The following DPF3 variants were observed in gnomAD, a reference collection of about 807,000 sequenced individuals.
DPF3 encodes the protein double PHD fingers 3.
Under a neutral mutation model 56.8 loss-of-function variants are expected in DPF3, and 18 were observed. That is an observed-to-expected ratio of 0.32 (90% confidence interval 0.22 to 0.47). The LOEUF (loss-of-function observed/expected upper bound fraction) is 0.47, where lower values mean the gene tolerates loss of function less well. DPF3 is among the 20% of genes least tolerant of loss of function. The probability of loss-of-function intolerance (pLI) is 1.00; values close to 1 mark genes in which losing one functional copy is unlikely to be tolerated. For synonymous variants in DPF3, 188 were observed against 180.2 expected (o/e 1.04, Z -0.35); for missense variants, 403 against 488.8 (o/e 0.82, Z 1.65).
intron 7 of DPF3, among the ~76,000 whole-genome samples, chr14:72,688,214 GTGGATGGATGGA>G (rs1237171034): frequency 7.9e-6 from 1 of 126,586 alleles, no homozygotes; most frequent in Non-Finnish European, 1.7e-5. Context: ...GGGTGTGTGG[GTGGATGGATGGA>G]TGGATGGATG....
chr14:72,829,994 C>T (rs1411092849), intron 1 of DPF3, among the ~76,000 whole-genome samples: 1 of 152,206 alleles, frequency 6.6e-6, no homozygotes, highest in African/African-American at 2.4e-5. Context: ...GATCCGCCCA[C>T]CTCGGCTTCC....
chr14:72,892,010 C>A, intron 1 of DPF3: 1 of 774,940 alleles, frequency 1.3e-6, no homozygotes, highest in Non-Finnish European at 1.8e-6. Flanking sequence ...CAGACTCCCT[C>A]CCCAAACACG....
chr14:72,662,464 CT>C, intron 8 of DPF3: 4 of 983,464 alleles, frequency 4.1e-6, no homozygotes, highest in Non-Finnish European at 4.8e-6. Context: ...ATAGTTAACT[CT>C]TTTTTTCCAT....
intron 3 of DPF3, among the ~76,000 whole-genome samples, chr14:72,733,991 G>C (rs1430492848): frequency 1.3e-5 from 2 of 152,178 alleles, no homozygotes; most frequent in Non-Finnish European, 2.9e-5. Context: ...GGAGAGCAAA[G>C]GATCCACTTC....
At chr14:72,837,858 G>A (rs1025519359) in intron 1 of DPF3, among the ~76,000 whole-genome samples, 4 of 152,348 alleles carry the variant, frequency 2.6e-5, no homozygotes, top group African/African-American at 4.8e-5. Flanking sequence ...CAGACAGTTC[G>A]TCTGCGGCCT....
Position 72,682,840 on chromosome 14 carries a change from G to C in DPF3, c.743-8472C>G, listed in dbSNP as rs988413399. On this transcript the variant is annotated intron_variant, in intron 7 of 10. Transcript: ENST00000556509. ...AGTCAGAGACGTCTGCCCTACATGG[G>C]ATAGAGCATTAGGAAAAGAGCAAAA... Among the ~76,000 whole-genome samples, 3 of 152,294 alleles carry C rather than the reference G, an allele frequency of 2.0e-5. No individual in the cohort carries two copies. In the East Asian group the frequency reaches 5.8e-4, roughly 29 times the overall value.
chr14:72,802,022 A>G (rs1477943410), intron 1 of DPF3, among the ~76,000 whole-genome samples: 1 of 152,198 alleles, frequency 6.6e-6, no homozygotes, highest in Non-Finnish European at 1.5e-5. Context: ...AAACAAAGGC[A>G]TGGGATAAGC....
chr14:72,846,662 G>T (rs1361964691), intron 1 of DPF3, among the ~76,000 whole-genome samples: 8 of 151,266 alleles, frequency 5.3e-5, no homozygotes, highest in Non-Finnish European at 7.4e-5. Context: ...TCCTGGCCTC[G>T]AGTAATCTGC....
intron 1 of DPF3, among the ~76,000 whole-genome samples, chr14:72,803,309 C>T (rs927431737): frequency 3.3e-5 from 5 of 152,164 alleles, no homozygotes; most frequent in Non-Finnish European, 5.9e-5. Context: ...CCCATTCAGA[C>T]GCCAATGGTT....
chr14:72,791,072 C>A (rs976123128), intron 1 of DPF3, among the ~76,000 whole-genome samples: 8 of 152,166 alleles, frequency 5.3e-5, no homozygotes, highest in African/African-American at 1.9e-4. Context: ...AAGGTCACAG[C>A]TCCTGTGGGC....
At chr14:72,804,101 G>A (rs899555902) in intron 1 of DPF3, among the ~76,000 whole-genome samples, 6 of 151,912 alleles carry the variant, frequency 3.9e-5, no homozygotes, top group Non-Finnish European at 7.4e-5. Context: ...CCAAATGACT[G>A]GGGAAATAAG....
At chr14:72,643,980 A>G (rs1486572458) in intron 8 of DPF3, among the ~76,000 whole-genome samples, 2 of 151,892 alleles carry the variant, frequency 1.3e-5, no homozygotes, top group Non-Finnish European at 2.9e-5. Context: ...TCCCCCTTTC[A>G]TTCTCCACCT....
intron 1 of DPF3, among the ~76,000 whole-genome samples, chr14:72,821,241 A>C (rs1323764065): frequency 1.3e-5 from 2 of 152,218 alleles, no homozygotes; most frequent in East Asian, 1.9e-4. Flanking sequence ...CTGAGGTCAC[A>C]CTACTGCACT....
intron 7 of DPF3, among the ~76,000 whole-genome samples, chr14:72,686,973 A>G (rs1051918354): frequency 8.5e-5 from 13 of 152,246 alleles, no homozygotes; most frequent in African/African-American, 2.9e-4. Flanking sequence ...ATGTCAGAAG[A>G]CTAACATCTG....
At chr14:72,731,580 A>G in intron 4 of DPF3, 1 of 547,588 alleles carries the variant, frequency 1.8e-6, no homozygotes, top group Non-Finnish European at 3.2e-6. Flanking sequence ...GCATAGACAG[A>G]CAGAAGAGAG....
chr14:72,878,806 C>T (rs1471710201), intron 1 of DPF3, among the ~76,000 whole-genome samples: 1 of 152,212 alleles, frequency 6.6e-6, no homozygotes, highest in Non-Finnish European at 1.5e-5. Flanking sequence ...AAACAAGAGG[C>T]TAGAATGAGC....
At chr14:72,862,878 A>G (rs900022061) in intron 1 of DPF3, among the ~76,000 whole-genome samples, 1 of 152,148 alleles carries the variant, frequency 6.6e-6, no homozygotes, top group Non-Finnish European at 1.5e-5. Context: ...TGCAAGCTCC[A>G]TGAAGGCAAG....
chr14:72,848,931 G>T (rs555470814), intron 1 of DPF3, among the ~76,000 whole-genome samples: 25 of 152,286 alleles, frequency 1.6e-4, no homozygotes, highest in South Asian at 4.2e-4. Context: ...CTGTGTGCCA[G>T]GTTCTGTACT....
At chr14:72,662,153 A>T in intron 8 of DPF3, 2 of 983,944 alleles carry the variant, frequency 2.0e-6, no homozygotes, top group Non-Finnish European at 2.4e-6. Flanking sequence ...TTGAAGGAGG[A>T]AAAAAAAACT....
Sources: allele counts gnomAD v4.1 joint callset (sites outside exome capture counted in the v4.1 genomes callset), GRCh38; gene constraint gnomAD v4.1.1; transcripts MANE v1.5; gene names NCBI Gene and HGNC (gene_info 2026-07-23, HGNC 2026-07-21).